TUT1: variants seen among roughly 807,000 people sequenced by gnomAD.
The protein encoded by TUT1 is speckle targeted PIP5K1A-regulated poly(A) polymerase.
In TUT1, 26 loss-of-function variants were observed where a neutral mutation model predicts 48.8. That is an observed-to-expected ratio of 0.53 (90% CI 0.39 to 0.74). The LOEUF is 0.74. Among genes scored for constraint, TUT1 ranks in the 30% least tolerant of loss-of-function variants. TUT1 has a pLI of 0.00. For missense variants in TUT1, 1,065 were observed against 1,114.8 expected (o/e 0.96, Z 0.64); for synonymous variants, 470 against 460.8 (o/e 1.02, Z -0.26).
chr11:62,589,904 T>C (rs1425183266), intron 1 of TUT1, among the ~76,000 whole-genome samples: 1 of 152,244 alleles, frequency 6.6e-6, no homozygotes, highest in East Asian at 1.9e-4. Context: ...GAAGCCTCAC[T>C]GTGCATCAAC....
intron 5 of TUT1, 23 bp downstream of exon 5, chr11:62,578,538 C>A (rs772136068): frequency 6.4e-7 from 1 of 1,554,590 alleles, no homozygotes; most frequent in Admixed American, 1.9e-5. Context: ...AGTGAAATGT[C>A]GTCTCAAAAA....
Position 62,589,011 on chromosome 11 carries a change from C to A in TUT1, c.273+20G>T, listed in dbSNP as rs770406935. 1.0e-5 allele frequency: 16 copies of A among 1,606,844 alleles called. No individual in the cohort carries two copies. The highest frequency in any genetic ancestry group is 1.4e-5 in the Non-Finnish European group (16 of 1,174,512). On this transcript the variant is annotated intron_variant, in intron 2 of 8. Coordinates refer to ENST00000476907, the MANE Select transcript of TUT1 (RefSeq NM_022830.3). ...GCCCAGCACTGATTCATTCTTTAAC[C>A]CGAGAGCCATTCACTTTACCTTGTC... is the stretch of plus-strand genomic sequence containing the variant.
In TUT1 at chr11:62,577,254, A is replaced by C. The variant is rs150896504; in HGVS notation, c.1198T>G (p.Ser400Ala). The change falls in exon 6 of 9, where the codon TCT (serine) becomes GCT (alanine). Residue 400 changes from serine to alanine, a missense_variant. Physicochemically the swap from Ser to Ala is moderately conservative, Grantham distance 99. Transcript: ENST00000476907. ...LHNSRFLSLC[S>A]ELDGRVRPLV... Reference sequence around the variant, plus strand: ...GGCCGGACTCGACCATCCAGCTCAGAGCAGAGACTCAGGAAACGGGAGTTA... The same window carrying C: ...GGCCGGACTCGACCATCCAGCTCAGCGCAGAGACTCAGGAAACGGGAGTTA... 6 of 1,612,732 alleles carry C rather than the reference A, an allele frequency of 3.7e-6. No homozygotes were observed. In the African/African-American group the frequency reaches 6.7e-5, roughly 18 times the overall value.
chr11:62,582,487 T>C, intron 2 of TUT1: 1 of 388,992 alleles, frequency 2.6e-6, no homozygotes, highest in Non-Finnish European at 5.2e-6. Context: ...TTCCAATTAC[T>C]TGGGAGGCTA....
intron 2 of TUT1, among the ~76,000 whole-genome samples, chr11:62,586,887 T>C (rs951521256): frequency 4.0e-5 from 6 of 150,950 alleles, no homozygotes; most frequent in Admixed American, 3.3e-4. Flanking sequence ...GTATTTTTAG[T>C]AGAGATGGGG....
chr11:62,577,346 C>A, intron 5 of TUT1, 55 bp from the exon 6 acceptor site: 2 of 1,387,486 alleles, frequency 1.4e-6, no homozygotes, highest in Admixed American at 2.2e-5. Flanking sequence ...GAACCTACCA[C>A]CCCCAGCTTT....
intron 3 of TUT1, 55 bp from the exon 4 acceptor site, chr11:62,581,261 A>G (rs1941820327): frequency 5.7e-6 from 9 of 1,581,634 alleles, no homozygotes; most frequent in Non-Finnish European, 7.8e-6. Flanking sequence ...AGCAGGGGGA[A>G]GAACAAAACA....
chr11:62,581,568 G>A lies in TUT1; in HGVS notation c.407C>T (p.Ser136Phe). The change falls in exon 3 of 9, where the codon TCC becomes TTC. Residue 136 changes from serine (S) to phenylalanine (F), a missense_variant. By Grantham distance (155) the Ser-to-Phe change is radical. Coordinates refer to ENST00000476907, the MANE Select transcript of TUT1 (RefSeq NM_022830.3). ...REQKEFQSPA[S>F]KSPKGAAPDS... ...GGGGGCCGCTCCTTTGGGGGATTTG[G>A]AGGCCGGGCTCTGGAACTCCTTCTG... 1 of 1,612,040 alleles carries A rather than the reference G, an allele frequency of 6.2e-7. No homozygotes were observed. The highest frequency in any genetic ancestry group is 8.5e-7 in the Non-Finnish European group (1 of 1,178,908).
chr11:62,576,576 TG>T, intron 8 of TUT1, 80 bp downstream of exon 8: 1 of 1,225,024 alleles, frequency 8.2e-7, no homozygotes, highest in Non-Finnish European at 1.2e-6. Flanking sequence ...GAACCATGCC[TG>T]GCACACAGTT....
chr11:62,578,472 G>A (rs960767969), intron 5 of TUT1, 89 bp downstream of exon 5: 2 of 1,244,654 alleles, frequency 1.6e-6, no homozygotes, highest in African/African-American at 1.5e-5. Context: ...TTCAACCTGG[G>A]AGGCAGAGGT....
chr11:62,586,042 C>A (rs899707181), intron 2 of TUT1, among the ~76,000 whole-genome samples: 3 of 152,196 alleles, frequency 2.0e-5, no homozygotes, highest in Non-Finnish European at 4.4e-5. Context: ...CCAGAGTTTG[C>A]GGTGAGCTGA....
chr11:62,575,900 TAGCAGAG>T lies in TUT1; in HGVS notation c.1812_1818del (p.Ser605ArgfsTer29). ...GGTGCAAGGGGTAAAGGGATCGGCG[TAGCAGAG>T]AGCAGGGAGCTGGGGGAGCTGGGCT... On this transcript the variant is annotated frameshift_variant, in exon 9 of 9. Transcript: ENST00000476907. LOFTEE classifies it low-confidence loss of function (END_TRUNC). 4 of 1,614,046 alleles carry T rather than the reference TAGCAGAG, an allele frequency of 2.5e-6. No homozygotes were observed. Among genetic ancestry groups the T allele is most frequent in the Non-Finnish European group, 3.4e-6 (4 of 1,179,974 alleles).
chr11:62,581,835 C>G, intron 2 of TUT1, 134 bp from the exon 3 acceptor site: 2 of 853,906 alleles, frequency 2.3e-6, no homozygotes, highest in Non-Finnish European at 3.3e-6. Context: ...TTCATAATAA[C>G]AGGGGACATA....
At chr11:62,588,427 G>A (rs1171357475) in intron 2 of TUT1, among the ~76,000 whole-genome samples, 6 of 152,126 alleles carry the variant, frequency 3.9e-5, no homozygotes, top group Admixed American at 6.5e-5. Flanking sequence ...GGGGGCACGC[G>A]CCTGTAATCT....
chr11:62,581,218 G>A lies in TUT1; in HGVS notation c.590-12C>T, dbSNP rs1287152440. On this transcript the variant is annotated splice_polypyrimidine_tract_variant and intron_variant, in intron 3 of 8. Coordinates refer to ENST00000476907, the MANE Select transcript of TUT1 (RefSeq NM_022830.3). The stretch of plus-strand genomic sequence containing the variant: ...GTGGACCACACAGCCTGGGTGCCGA[G>A]CAGAGAAGAAAGGTCAAGAGAAGTT... The A allele has an allele frequency of 6.2e-7, 1 of 1,613,038 alleles. No homozygotes were observed. The highest frequency in any genetic ancestry group is 8.5e-7 in the Non-Finnish European group (1 of 1,179,206).
chr11:62,581,353 G>T, intron 3 of TUT1, 33 bp downstream of exon 3: 1 of 1,576,426 alleles, frequency 6.3e-7, no homozygotes. Flanking sequence ...AAAGGCCAGG[G>T]AGGGCTCAGA....
At chr11:62,581,284 G>A (rs1459873026) in intron 3 of TUT1, 78 bp from the exon 4 acceptor site, 11 of 1,567,480 alleles carry the variant, frequency 7.0e-6, no homozygotes, top group Non-Finnish European at 9.6e-6. Context: ...GCACAAAGAT[G>A]GAAGAGCAAC....
rs1430767393 is a variant in TUT1, at chr11:62,576,918, G to A, written c.1370C>T (p.Thr457Ile). Residue 457 changes from threonine to isoleucine, a missense_variant, in exon 7 of 9, where the codon ACC (threonine) becomes ATC (isoleucine). Physicochemically the swap from Thr to Ile is moderately conservative, Grantham distance 89. Transcript: ENST00000476907. ...PPVLPTVSQL[T>I]QKAGEGEQVE... The stretch of plus-strand genomic sequence containing the variant: ...GCTAGGCCGAGTACCTGCTTTCTGG[G>A]TGAGCTGGGACACAGTGGGCAACAC... 1.9e-6 allele frequency: 3 copies of A among 1,614,080 alleles called. No individual in the cohort carries two copies. Among genetic ancestry groups the A allele is most frequent in the Admixed American group, 3.3e-5 (2 of 59,996 alleles).
rs556038560 is a variant in TUT1, at chr11:62,590,649, A to G, written c.82+755T>C. 1.4e-4 allele frequency among the ~76,000 whole-genome samples: 21 copies of G among 151,854 alleles called. 1 individual carries two copies. Among genetic ancestry groups the G allele is most frequent in the Admixed American group, 4.6e-4 (7 of 15,264 alleles). ...GAGACTCTGTCTCAAAAAAAAAAAA[A>G]AAAGAAAAAAGAAATTAGCCAAGTA... On this transcript the variant is annotated intron_variant, in intron 1 of 8. Transcript: ENST00000476907.
Sources: allele counts gnomAD v4.1 joint callset (sites outside exome capture counted in the v4.1 genomes callset), GRCh38; gene constraint gnomAD v4.1.1; transcripts MANE v1.5; gene names NCBI Gene and HGNC (gene_info 2026-07-23, HGNC 2026-07-21).